The following THSD4 variants were observed in gnomAD, a reference collection of about 807,000 sequenced individuals.
The protein encoded by THSD4 is thrombospondin type-1 domain-containing protein 4.
Under a neutral mutation model 119.0 loss-of-function variants are expected in THSD4, and 69 were observed. The ratio of observed to expected loss-of-function variants is 0.58; its 90% CI spans 0.48 to 0.71. The LOEUF is 0.71. Among genes scored for constraint, THSD4 ranks in the 30% least tolerant of loss-of-function variants. THSD4 has a pLI of 0.00. For missense variants in THSD4, 1,393 were observed against 1,391.1 expected, an observed-to-expected ratio of 1.00 and a Z score of -0.02; for synonymous variants, 524 against 540.4, an observed-to-expected ratio of 0.97 and a Z score of 0.42.
intron 8 of THSD4, among the ~76,000 whole-genome samples, chr15:71,688,450 A>C (rs1411646270): frequency 6.6e-6 from 1 of 152,246 alleles, no homozygotes; most frequent in Non-Finnish European, 1.5e-5. Context: ...CATTTGATTC[A>C]TAAAAATGAA....
intron 7 of THSD4, among the ~76,000 whole-genome samples, chr15:71,606,195 AC>A (rs1397037537): frequency 6.6e-6 from 1 of 152,206 alleles, no homozygotes; most frequent in Non-Finnish European, 1.5e-5. Context: ...TTTTTTGGTT[AC>A]TTTTTTGTTG....
At chr15:71,654,259 C>T (rs1210627154) in intron 7 of THSD4, among the ~76,000 whole-genome samples, 1 of 152,180 alleles carries the variant, frequency 6.6e-6, no homozygotes, top group Non-Finnish European at 1.5e-5. Context: ...TTCATGTCTC[C>T]GCTGCCTACC....
intron 3 of THSD4, among the ~76,000 whole-genome samples, chr15:71,162,936 T>A (rs2043260411): frequency 6.6e-6 from 1 of 151,998 alleles, no homozygotes; most frequent in Admixed American, 6.5e-5. Flanking sequence ...TTGTATGTTT[T>A]AATTCATTCA....
chr15:71,165,090 G>T, intron 3 of THSD4: 1 of 1,610,592 alleles, frequency 6.2e-7, no homozygotes, highest in Non-Finnish European at 8.5e-7. Context: ...ATTTTTGGGC[G>T]ATACTCAGAG....
At chr15:71,588,960 G>A (rs562354005) in intron 7 of THSD4, among the ~76,000 whole-genome samples, 44 of 152,308 alleles carry the variant, frequency 2.9e-4, no homozygotes, top group African/African-American at 8.4e-4. Flanking sequence ...GGTCAGGGAG[G>A]TGGGTGAGTC....
intron 6 of THSD4, among the ~76,000 whole-genome samples, chr15:71,269,663 T>C (rs2044506602): frequency 6.6e-6 from 1 of 152,140 alleles, no homozygotes; most frequent in Admixed American, 6.5e-5. Flanking sequence ...TCAAATTGTC[T>C]CTGTTTGCAG....
At chr15:71,192,543 G>A (rs758371148) in intron 3 of THSD4, among the ~76,000 whole-genome samples, 35 of 152,010 alleles carry the variant, frequency 2.3e-4, no homozygotes, top group Non-Finnish European at 4.3e-4. Flanking sequence ...GCCTCCCAAC[G>A]TGTTGGGATT....
At chr15:71,170,480 TGGG>T (rs147798164) in intron 3 of THSD4, among the ~76,000 whole-genome samples, 2,226 of 152,308 alleles carry the variant, frequency 0.015, 27 homozygotes, top group Middle Eastern at 0.054. Flanking sequence ...ACCTCAGTAT[TGGG>T]GGAATAGTTA....
chr15:71,765,239 A>G (rs12442377), intron 16 of THSD4, 40 bp downstream of exon 16: 188,089 of 1,589,036 alleles, frequency 0.12, 19,772 homozygotes, highest in African/African-American at 0.52. Flanking sequence ...CATTGGCACA[A>G]CGTCCCCCAC....
intron 6 of THSD4, among the ~76,000 whole-genome samples, chr15:71,386,802 G>C (rs1302475789): frequency 1.3e-5 from 2 of 152,218 alleles, no homozygotes; most frequent in African/African-American, 4.8e-5. Context: ...AGTGTTACCT[G>C]AGTTCCTAAT....
chr15:71,366,801 T>G (rs2140428605), intron 6 of THSD4, among the ~76,000 whole-genome samples: 1 of 152,244 alleles, frequency 6.6e-6, no homozygotes, highest in African/African-American at 2.4e-5. Flanking sequence ...CACCCAATCT[T>G]TTAGATTTCC....
intron 7 of THSD4, among the ~76,000 whole-genome samples, chr15:71,440,666 C>T (rs1049911239): frequency 2.0e-5 from 3 of 152,068 alleles, no homozygotes; most frequent in Admixed American, 6.6e-5. Context: ...ACTGGTTGAT[C>T]GTGACATCTA....
rs1474139026 is a variant in THSD4 at position 71,115,657 on chromosome 15, A to G, written c.-121A>G. 1.4e-5 allele frequency: 2 copies of G among 146,522 alleles called. No homozygotes were observed. Among genetic ancestry groups the G allele is most frequent in the African/African-American group, 4.9e-5 (2 of 40,730 alleles). The allele number at this position is 146,522 out of a possible 1,614,324, so 9.1% of individuals were successfully genotyped here. ...CCGGGAACCACGCGGGGGCGAGGCG[A>G]GGCGAGGCGGCCGCCGGTCGCTCCG... On this transcript the variant is annotated 5_prime_UTR_variant, in exon 1 of 18. Transcript: ENST00000261862. This position sits in a 1 kb window ranked among gnomAD's most constrained non-coding sequence, Gnocchi z 4.4.
rs1266717086 is a variant in THSD4 at position 71,748,509 on chromosome 15, A to G, written c.2330A>G (p.Asn777Ser). The G allele has an allele frequency of 1.2e-6, 2 of 1,614,064 alleles. No homozygotes were observed. The highest frequency in any genetic ancestry group is 1.7e-5 in the Admixed American group (1 of 60,006). The change falls in exon 14 of 18, where the codon AAC becomes AGC. Residue 777 changes from asparagine (N) to serine (S), a missense_variant. Physicochemically the swap from Asn to Ser is conservative, Grantham distance 46 (BLOSUM62 1). Transcript: ENST00000261862. ...GATGTGGTTGACGATGAGGAATGCA[A>G]CATGAAGCTCCGGCCGAATGACATT... The part of the protein sequence containing the change: ...IGDVVDDEEC[N>S]MKLRPNDIEN...
intron 6 of THSD4, among the ~76,000 whole-genome samples, chr15:71,310,303 G>A (rs753739290): frequency 6.6e-6 from 1 of 152,274 alleles, no homozygotes; most frequent in African/African-American, 2.4e-5. Context: ...ATATGTAAAT[G>A]TCTCTGTGGG....
At chr15:71,284,360 A>G (rs1427802200) in intron 6 of THSD4, among the ~76,000 whole-genome samples, 1 of 152,200 alleles carries the variant, frequency 6.6e-6, no homozygotes, top group East Asian at 1.9e-4. Context: ...TTGGTGTTAT[A>G]TATTGAGAAC....
Position 71,745,231 on chromosome 15 carries a change from G to C in THSD4, c.2032G>C (p.Ala678Pro). ...GCCCTGCAACATCTTCCCTTGCCCA[G>C]CCTTGTAAGAAGGCCCCTCCATTTA... ...EEPCNIFPCP[A>P]FWDIGEWSEC... Residue 678 changes from alanine (A) to proline (P), a missense_variant, in exon 12 of 18, where the codon GCC (alanine) becomes CCC (proline). Coordinates refer to ENST00000261862, the MANE Select transcript of THSD4 (RefSeq NM_024817.3). 4 of 1,613,882 alleles carry C rather than the reference G, an allele frequency of 2.5e-6. No individual in the cohort carries two copies. Among genetic ancestry groups the C allele is most frequent in the Non-Finnish European group, 3.4e-6 (4 of 1,179,908 alleles).
At chr15:71,742,016 G>A (rs1380163519) in intron 11 of THSD4, among the ~76,000 whole-genome samples, 1 of 152,208 alleles carries the variant, frequency 6.6e-6, no homozygotes, top group African/African-American at 2.4e-5. Context: ...CAGATGCAGA[G>A]CACATCTAAT....
chr15:71,375,437 T>A (rs1372430397), intron 6 of THSD4, among the ~76,000 whole-genome samples: 2 of 152,158 alleles, frequency 1.3e-5, no homozygotes. Context: ...TCCCCTCCCA[T>A]CACTTTCACA....
Sources: gnomAD v4.1 joint callset for allele counts (sites outside exome capture counted in the v4.1 genomes callset) on GRCh38, gnomAD v4.1.1 for gene constraint, Gnocchi (gnomAD v3.1) non-coding constraint, MANE v1.5 for transcripts, NCBI Gene and HGNC (gene_info 2026-07-23, HGNC 2026-07-21) for gene names.